ANO2: variants seen among roughly 807,000 people sequenced by gnomAD.
ANO2 encodes anoctamin 2, also known as anoctamin-2.
Under a neutral mutation model 124.2 loss-of-function variants are expected in ANO2, and 101 were observed. The observed-to-expected ratio is 0.81, with a 90% confidence interval of 0.69 to 0.96. The LOEUF (loss-of-function observed/expected upper bound fraction) is 0.96. ANO2 is among the 40% of genes least tolerant of loss of function. ANO2 has a pLI of 0.00. For missense variants in ANO2, 1,293 were observed against 1,274.5 expected (o/e 1.01, Z -0.22); for synonymous variants, 486 against 482.5 (o/e 1.01, Z -0.09).
At chr12:5,812,712 A>AGAAG (rs143502256) in intron 7 of ANO2, among the ~76,000 whole-genome samples, 30,590 of 101,054 alleles carry the variant, frequency 0.3, 7,159 homozygotes, top group Non-Finnish European at 0.34. Flanking sequence ...GAAAAGAAGA[A>AGAAG]GAAGGAAGGG....
At chr12:5,637,740 C>A (rs1347455756) in intron 15 of ANO2, among the ~76,000 whole-genome samples, 1 of 152,170 alleles carries the variant, frequency 6.6e-6, no homozygotes, top group Non-Finnish European at 1.5e-5. Flanking sequence ...CCACCCCTGG[C>A]ACACCTCACT....
chr12:5,629,477 ACACCTTG>A (rs1376621785), intron 16 of ANO2, among the ~76,000 whole-genome samples: 1 of 152,174 alleles, frequency 6.6e-6, no homozygotes, highest in Non-Finnish European at 1.5e-5. Flanking sequence ...AGGAGGAAGC[ACACCTTG>A]CACCAGTCAG....
rs139406575 is a variant in ANO2, at chr12:5,767,244, T to C, written c.1056-16274A>G. Among the ~76,000 whole-genome samples the C allele has an allele frequency of 7.2e-3, 1,103 of 152,230 alleles. 13 individuals carry two copies. The highest frequency in any genetic ancestry group is 0.024 in the African/African-American group (1,013 of 41,538). The stretch of plus-strand genomic sequence containing the variant: ...TGTTCTTAGTAGTGTCATGGGCAGG[T>C]GCAGGGATGCCAGAGAGAAAGTTCC... On this transcript the variant is annotated intron_variant, in intron 10 of 24. Transcript: ENST00000682330.
intron 7 of ANO2, among the ~76,000 whole-genome samples, chr12:5,818,663 A>G (rs2110171): frequency 0.9 from 135,134 of 150,934 alleles, 61,093 homozygotes; most frequent in East Asian, 0.99. Context: ...ATTAGACCCC[A>G]AAATGCTAAG....
intron 1 of ANO2, among the ~76,000 whole-genome samples, chr12:5,930,984 A>T (rs1027410003): frequency 2.0e-5 from 3 of 151,936 alleles, no homozygotes; most frequent in African/African-American, 4.8e-5. Flanking sequence ...TGCCACCACC[A>T]CAGTTTGCAT....
At position 5,922,740 on chromosome 12, in the gene ANO2, C is replaced by G. The variant is rs1339259018; in HGVS notation, c.87G>C (p.Gln29His). 2 of 1,598,452 alleles carry G rather than the reference C, an allele frequency of 1.3e-6. No individual in the cohort carries two copies. Among genetic ancestry groups the G allele is most frequent in the Non-Finnish European group, 1.7e-6 (2 of 1,173,516 alleles). ...LSPQAGSRGGQGPKHGQQCLK... is the reference protein window; with the variant it reads ...LSPQAGSRGGHGPKHGQQCLK... ...GACACTGCTGTCCATGTTTGGGGCC[C>G]TGGCCCCCTCTGGACCCTGCCTGAG... Residue 29 changes from glutamine to histidine, a missense_variant, in exon 2 of 25, where the codon CAG becomes CAC. By Grantham distance (24) the Gln-to-His change is conservative. Transcript: ENST00000682330.
intron 3 of ANO2, among the ~76,000 whole-genome samples, chr12:5,898,816 C>T (rs1939972407): frequency 6.6e-6 from 1 of 152,176 alleles, no homozygotes; most frequent in Non-Finnish European, 1.5e-5. Flanking sequence ...GATGGCAGTT[C>T]CTCTAGTTTG....
chr12:5,926,060 C>G (rs957668830), intron 1 of ANO2, among the ~76,000 whole-genome samples: 2 of 152,230 alleles, frequency 1.3e-5, no homozygotes, highest in African/African-American at 2.4e-5. Context: ...TCCAAACATA[C>G]GATCTTCTCC....
At chr12:5,606,746 AT>A (rs957835953) in intron 19 of ANO2, among the ~76,000 whole-genome samples, 1 of 152,114 alleles carries the variant, frequency 6.6e-6, no homozygotes, top group African/African-American at 2.4e-5. Context: ...AAATTATGTT[AT>A]TTTTTTCAAT....
At chr12:5,674,680 G>C (rs1948156205) in intron 14 of ANO2, among the ~76,000 whole-genome samples, 1 of 152,106 alleles carries the variant, frequency 6.6e-6, no homozygotes, top group South Asian at 2.1e-4. Flanking sequence ...ACTTCAGGTG[G>C]GCCACCTTGA....
chr12:5,791,909 AT>A (rs1174478240), intron 10 of ANO2, among the ~76,000 whole-genome samples: 1 of 152,196 alleles, frequency 6.6e-6, no homozygotes, highest in Non-Finnish European at 1.5e-5. Flanking sequence ...GAGTCAATAA[AT>A]TCGTATTTAT....
chr12:5,909,327 A>G (rs1391179099), intron 3 of ANO2, among the ~76,000 whole-genome samples: 1 of 152,240 alleles, frequency 6.6e-6, no homozygotes, highest in African/African-American at 2.4e-5. Context: ...TGTTAGAACA[A>G]CTGTAAATTG....
chr12:5,589,920 C>T (rs542077892), intron 20 of ANO2, among the ~76,000 whole-genome samples: 191 of 152,126 alleles, frequency 1.3e-3, no homozygotes, highest in Admixed American at 2.3e-3. Flanking sequence ...GCTAGGAGCA[C>T]GGGAACCCTG....
intron 14 of ANO2, among the ~76,000 whole-genome samples, chr12:5,687,143 T>C (rs1948741897): frequency 1.3e-5 from 2 of 152,204 alleles, no homozygotes; most frequent in Admixed American, 1.3e-4. Flanking sequence ...AGGAACAGTG[T>C]TTTAACCAAC....
At chr12:5,578,322 G>A (rs745913575) in intron 21 of ANO2, 44 bp downstream of exon 21, 3 of 1,596,388 alleles carry the variant, frequency 1.9e-6, no homozygotes, top group East Asian at 2.2e-5. Flanking sequence ...GGGACAGAAT[G>A]GCAGAAGGAT....
intron 1 of ANO2, among the ~76,000 whole-genome samples, chr12:5,929,554 C>T (rs56019811): frequency 7.9e-3 from 261 of 32,838 alleles, no homozygotes; most frequent in Middle Eastern, 0.029. Flanking sequence ...TACTAGTCTA[C>T]CTTCTTTCCT....
At chr12:5,756,627 T>C (rs559691675) in intron 10 of ANO2, among the ~76,000 whole-genome samples, 59 of 152,322 alleles carry the variant, frequency 3.9e-4, no homozygotes, top group Non-Finnish European at 7.4e-4. Context: ...GCTGCCATGG[T>C]CCGTGGGTGG....
rs60889578 is a variant in ANO2, at chr12:5,622,963, CAA to C, written c.1817-7668_1817-7667del. 6.0e-3 allele frequency among the ~76,000 whole-genome samples: 638 copies of C among 106,612 alleles called. 4 individuals carry two copies. Among genetic ancestry groups the C allele is most frequent in the Admixed American group, 0.01 (95 of 9,494 alleles). 69.9% of individuals were successfully genotyped at this position (106,612 alleles called of 152,430 possible). ...TGGACAACGATGCAAGGCTCTGTCT[CAA>C]AAAAAAAAAAAAAAAGAAACGAAAA... On this transcript the variant is annotated intron_variant, in intron 16 of 24. Coordinates refer to ENST00000682330, the MANE Select transcript of ANO2 (RefSeq NM_001364791.2).
At chr12:5,914,226 T>C (rs1248497699) in intron 3 of ANO2, among the ~76,000 whole-genome samples, 1 of 149,696 alleles carries the variant, frequency 6.7e-6, no homozygotes, top group Non-Finnish European at 1.5e-5. Context: ...AAAAAGAAAG[T>C]GAGGCGACAT....
Sources: allele counts gnomAD v4.1 joint callset (sites outside exome capture counted in the v4.1 genomes callset), GRCh38; gene constraint gnomAD v4.1.1; transcripts MANE v1.5; gene names NCBI Gene and HGNC (gene_info 2026-07-23, HGNC 2026-07-21).